The following TMEM132D variants were observed in gnomAD, a reference collection of about 807,000 sequenced individuals.
The protein encoded by TMEM132D is mature OL transmembrane protein.
Under a neutral mutation model 62.3 loss-of-function variants are expected in TMEM132D, and 21 were observed. That is an observed-to-expected ratio of 0.34 (90% CI 0.24 to 0.49). The LOEUF (loss-of-function observed/expected upper bound fraction) is 0.49. Among genes scored for constraint, TMEM132D ranks in the 20% least tolerant of loss-of-function variants. The pLI, the probability that TMEM132D is intolerant of heterozygous loss-of-function variation, is 0.99. For synonymous variants in TMEM132D, 621 were observed against 575.6 expected (o/e 1.08, Z -1.13); for missense variants, 1,346 against 1,402.8 (o/e 0.96, Z 0.65).
intron 3 of TMEM132D, among the ~76,000 whole-genome samples, chr12:129,385,252 C>T (rs542450260): frequency 9.5e-4 from 144 of 151,884 alleles, no homozygotes; most frequent in African/African-American, 1.1e-3. Flanking sequence ...ATTACAGGTA[C>T]GTGCCACCAT....
At chr12:129,435,970 A>G (rs1872776237) in intron 3 of TMEM132D, among the ~76,000 whole-genome samples, 1 of 152,218 alleles carries the variant, frequency 6.6e-6, no homozygotes, top group Non-Finnish European at 1.5e-5. Flanking sequence ...ATAAGATACA[A>G]GTGGGGAGAC....
chr12:129,074,944 G>A lies in TMEM132D; in HGVS notation c.2231C>T (p.Ser744Phe), dbSNP rs756515507. The A allele has an allele frequency of 8.1e-6, 13 of 1,613,890 alleles. No homozygotes were observed. Among genetic ancestry groups the A allele is most frequent in the African/African-American group, 1.3e-5 (1 of 74,874 alleles). The change falls in exon 9 of 9, where the codon TCC becomes TTC. Residue 744 changes from serine (S) to phenylalanine (F), a missense_variant. Physicochemically the swap from Ser to Phe is radical, Grantham distance 155. Transcript: ENST00000422113. ...MATSLDEKVV[S>F]IHQDPKFKWP... is the part of the protein sequence containing the mutation. ...CTTGAATTTGGGGTCTTGGTGGATGGAGACTACCTTCTCATCCAAAGATGT... is the reference window on the plus strand; with the variant it reads ...CTTGAATTTGGGGTCTTGGTGGATGAAGACTACCTTCTCATCCAAAGATGT...
intron 2 of TMEM132D, among the ~76,000 whole-genome samples, chr12:129,693,904 G>C (rs1881127883): frequency 6.6e-6 from 1 of 152,128 alleles, no homozygotes; most frequent in Non-Finnish European, 1.5e-5. Context: ...CCCCAGACAT[G>C]CTTCCTAGTA....
At chr12:129,889,130 A>G (rs1212432105) in intron 1 of TMEM132D, among the ~76,000 whole-genome samples, 1 of 152,230 alleles carries the variant, frequency 6.6e-6, no homozygotes, top group African/African-American at 2.4e-5. Flanking sequence ...AAGGACAGCT[A>G]AGAGATTCTA....
At chr12:129,577,618 C>T (rs1877708120) in intron 2 of TMEM132D, among the ~76,000 whole-genome samples, 1 of 150,818 alleles carries the variant, frequency 6.6e-6, no homozygotes, top group East Asian at 1.9e-4. Context: ...CTAGTATCTG[C>T]ATATATTATT....
chr12:129,162,413 G>T (rs1467086471), intron 5 of TMEM132D, among the ~76,000 whole-genome samples: 1 of 152,120 alleles, frequency 6.6e-6, no homozygotes, highest in Non-Finnish European at 1.5e-5. Flanking sequence ...CCCAGTCTAT[G>T]GTATTTTGTT....
intron 4 of TMEM132D, among the ~76,000 whole-genome samples, chr12:129,321,727 T>A (rs1342164875): frequency 1.3e-5 from 2 of 148,484 alleles, no homozygotes; most frequent in African/African-American, 5.3e-5. Context: ...CCCAGCTAAT[T>A]TTTTTGTATT....
intron 1 of TMEM132D, among the ~76,000 whole-genome samples, chr12:129,791,934 A>AAGTTATG (rs1871412567): frequency 6.6e-6 from 1 of 152,130 alleles, no homozygotes; most frequent in South Asian, 2.1e-4. Context: ...AGACCAAAAG[A>AAGTTATG]AGTTATGGAG....
In TMEM132D at chr12:129,886,085, T is replaced by G. The variant is rs561585528; in HGVS notation, c.79+17176A>C. ...TTATGCAAAAATTTCTTTGGATTGG[T>G]GTCATTACAATTATGACTGTTACAC... On this transcript the variant is annotated intron_variant, in intron 1 of 8. Coordinates refer to ENST00000422113, the MANE Select transcript of TMEM132D (RefSeq NM_133448.3). 2.6e-5 allele frequency among the ~76,000 whole-genome samples: 4 copies of G among 152,344 alleles called. No individual in the cohort carries two copies. The South Asian group carries it at 8.3e-4, about 32-fold the overall frequency.
chr12:129,375,513 T>C (rs1870757910), intron 3 of TMEM132D, among the ~76,000 whole-genome samples: 4 of 152,206 alleles, frequency 2.6e-5, no homozygotes. Flanking sequence ...ATTCCTCCTA[T>C]GATTCAAATG....
intron 3 of TMEM132D, among the ~76,000 whole-genome samples, chr12:129,372,283 G>T (rs997946605): frequency 6.6e-6 from 1 of 152,170 alleles, no homozygotes; most frequent in Non-Finnish European, 1.5e-5. Flanking sequence ...TAGGCCAGGG[G>T]TCCCCAGTCT....
intron 5 of TMEM132D, among the ~76,000 whole-genome samples, chr12:129,186,751 C>G (rs1878233021): frequency 1.3e-5 from 2 of 152,212 alleles, no homozygotes; most frequent in African/African-American, 2.4e-5. Flanking sequence ...AGAACAATCA[C>G]TCCGCAGGAG....
chr12:129,148,157 T>A (rs995389978), intron 5 of TMEM132D, among the ~76,000 whole-genome samples: 4 of 152,176 alleles, frequency 2.6e-5, no homozygotes. Flanking sequence ...GCACCCCATT[T>A]TTTTCTCTTT....
chr12:129,593,132 A>C (rs938046206), intron 2 of TMEM132D, among the ~76,000 whole-genome samples: 1 of 151,966 alleles, frequency 6.6e-6, no homozygotes, highest in African/African-American at 2.4e-5. Context: ...GGGAAAAAAA[A>C]GGTTAATCGT....
intron 2 of TMEM132D, among the ~76,000 whole-genome samples, chr12:129,635,528 A>T (rs77584145): frequency 0.011 from 1,703 of 152,306 alleles, 40 homozygotes; most frequent in African/African-American, 0.039. Context: ...GTCTCTAAGC[A>T]CCAGCAGACA....
At chr12:129,470,355 T>C (rs920237576) in intron 3 of TMEM132D, among the ~76,000 whole-genome samples, 1 of 152,210 alleles carries the variant, frequency 6.6e-6, no homozygotes, top group Non-Finnish European at 1.5e-5. Context: ...TCAGTTATGT[T>C]AGGCAACTGA....
chr12:129,901,504 G>C (rs1281333648), intron 1 of TMEM132D, among the ~76,000 whole-genome samples: 1 of 152,104 alleles, frequency 6.6e-6, no homozygotes, highest in Non-Finnish European at 1.5e-5. Flanking sequence ...GAACTGTCTG[G>C]CTGACTTGCT....
At chr12:129,619,773 A>G (rs1879014304) in intron 2 of TMEM132D, among the ~76,000 whole-genome samples, 2 of 152,214 alleles carry the variant, frequency 1.3e-5, no homozygotes, top group African/African-American at 4.8e-5. Flanking sequence ...GAAACTCGTT[A>G]AACAACACTT....
At chr12:129,185,296 A>G (rs1243666175) in intron 5 of TMEM132D, among the ~76,000 whole-genome samples, 2 of 152,206 alleles carry the variant, frequency 1.3e-5, no homozygotes, top group Non-Finnish European at 2.9e-5. Context: ...ATCTGTCATC[A>G]CCAAGAATAA....
Sources: gnomAD v4.1 joint callset for allele counts (sites outside exome capture counted in the v4.1 genomes callset) on GRCh38, gnomAD v4.1.1 for gene constraint, MANE v1.5 for transcripts, NCBI Gene and HGNC (gene_info 2026-07-23, HGNC 2026-07-21) for gene names.